Variants in WFS1 observed in about 807,000 individuals in gnomAD.
WFS1 encodes the protein wolframin.
In WFS1, 90 loss-of-function variants were observed where a neutral mutation model predicts 68.5. The ratio of observed to expected loss-of-function variants is 1.31; its 90% confidence interval spans 1.11 to 1.56. The LOEUF (loss-of-function observed/expected upper bound fraction) is 1.56, where lower values mean the gene tolerates loss of function less well. Among genes scored for constraint, WFS1 ranks in the 40% most tolerant of loss-of-function variants. The pLI, the probability that WFS1 is intolerant of heterozygous loss-of-function variation, is 0.00. For missense variants in WFS1, 1,767 were observed against 1,232.6 expected, an observed-to-expected ratio of 1.43 and a Z score of -6.49; for synonymous variants, 860 against 540.7, an observed-to-expected ratio of 1.59 and a Z score of -8.19.
chr4:6,293,379 C>CAA (rs1411559295), intron 6 of WFS1, among the ~76,000 whole-genome samples: 6 of 152,278 alleles, frequency 3.9e-5, no homozygotes, highest in African/African-American at 1.4e-4. Flanking sequence ...TCAGAACGTT[C>CAA]CCATCAGGCA....
At chr4:6,295,972 C>A (rs776689236) in intron 7 of WFS1, among the ~76,000 whole-genome samples, 1 of 152,234 alleles carries the variant, frequency 6.6e-6, no homozygotes, top group African/African-American at 2.4e-5. Flanking sequence ...CAAGCTGAGG[C>A]CAGCACAGGG....
chr4:6,275,034 G>A (rs1040828202), intron 1 of WFS1, among the ~76,000 whole-genome samples: 1 of 152,132 alleles, frequency 6.6e-6, no homozygotes, highest in Non-Finnish European at 1.5e-5. Flanking sequence ...TATAACTCTG[G>A]GATGACAATA....
At position 6,301,105 on chromosome 4, in the gene WFS1, G is replaced by T; in HGVS notation, c.1310G>T (p.Gly437Val). 6.2e-7 allele frequency: 1 copy of T among 1,613,720 alleles called. No individual in the cohort carries two copies. ...IPCSELAVITGFFTVTSYLSL... is the reference protein window; with the variant it reads ...IPCSELAVITVFFTVTSYLSL... ...TGCTCGGAGCTGGCTGTCATCACCG[G>T]CTTCTTTACCGTGACCAGCTACCTG... Residue 437 changes from glycine (G) to valine (V), a missense_variant, in exon 8 of 8, where the codon GGC becomes GTC. By Grantham distance (109) the Gly-to-Val change is moderately radical (BLOSUM62 -3). Coordinates refer to ENST00000226760, the MANE Select transcript of WFS1 (RefSeq NM_006005.3).
rs776745666 is a variant in WFS1 at position 6,301,316 on chromosome 4, C to G, written c.1521C>G (p.Leu507=). The part of the protein sequence containing the change: ...VVLNVSVPCL[L]YVYLLYLFFR... ...TCAACGTCAGCGTCCCGTGCCTGCT[C>G]TATGTCTACCTGCTCTATCTCTTCT... is the stretch of plus-strand genomic sequence containing the variant. Residue 507 remains leucine (L), a synonymous_variant, in exon 8 of 8, where the codon CTC becomes CTG. Transcript: ENST00000226760. 10 of 1,611,628 alleles carry G rather than the reference C, an allele frequency of 6.2e-6. No homozygotes were observed. The highest frequency in any genetic ancestry group is 5.5e-5 in the South Asian group (5 of 91,076).
At chr4:6,281,583 G>A (rs1451129032) in intron 2 of WFS1, among the ~76,000 whole-genome samples, 2 of 152,280 alleles carry the variant, frequency 1.3e-5, no homozygotes, top group East Asian at 1.9e-4. Context: ...CCAGGTGGAC[G>A]GTGGTGGCAC....
intron 2 of WFS1, among the ~76,000 whole-genome samples, chr4:6,280,285 C>T (rs915113931): frequency 6.6e-6 from 1 of 152,226 alleles, no homozygotes; most frequent in Non-Finnish European, 1.5e-5. Context: ...AGGGCCGGCA[C>T]CTGCCTGTCG....
At position 6,302,192 on chromosome 4, in the gene WFS1, C is replaced by G. The variant is rs747760206; in HGVS notation, c.2397C>G (p.Thr799=). The G allele has an allele frequency of 1.3e-4, 211 of 1,612,138 alleles. No individual in the cohort carries two copies. Among genetic ancestry groups the G allele is most frequent in the Non-Finnish European group, 1.7e-4 (205 of 1,179,684 alleles). ...GSRSREEDDV[T]KDIVLRASSE... is the part of the protein sequence containing the mutation. ...GCAGCCGCGAGGAGGACGACGTCAC[C>G]AAGGACATCGTGCTGCGGGCCAGCA... Residue 799 remains threonine (T), a synonymous_variant, in exon 8 of 8, where the codon ACC becomes ACG. Transcript: ENST00000226760.
rs768683463 is a variant in WFS1, at chr4:6,292,017, C to G, written c.712+20C>G. ...GCGAGTGTGAGTGCAGCCCCTGCCC[C>G]GTCTCACCCATGCCTCCCAGCCTGC... On this transcript the variant is annotated intron_variant, in intron 6 of 7. Coordinates refer to ENST00000226760, the MANE Select transcript of WFS1 (RefSeq NM_006005.3). The G allele has an allele frequency of 6.3e-7, 1 of 1,591,858 alleles. No individual in the cohort carries two copies.
chr4:6,287,352 C>T lies in WFS1; in HGVS notation c.315+177C>T, dbSNP rs932631389. On this transcript the variant is annotated intron_variant, in intron 3 of 7. Coordinates refer to ENST00000226760, the MANE Select transcript of WFS1 (RefSeq NM_006005.3). This position sits in a 1 kb window ranked among gnomAD's most constrained non-coding sequence, Gnocchi z 6.4. ...TGGTAGGGTGCCCATGTTCACTGTG[C>T]CAGTTTTCCTCCTGGCACTCCTCTG... The T allele has an allele frequency of 6.1e-6, 4 of 650,936 alleles. No individual in the cohort carries two copies. In the African/African-American group the frequency reaches 7.1e-5, roughly 12 times the overall value. 40.3% of individuals were successfully genotyped at this position (650,936 alleles called of 1,614,324 possible).
Position 6,302,254 on chromosome 4 carries a change from G to T in WFS1, c.2459G>T (p.Gly820Val), listed in dbSNP as rs764842865. 2.2e-5 allele frequency: 35 copies of T among 1,604,636 alleles called. No individual in the cohort carries two copies. Among genetic ancestry groups the T allele is most frequent in the Non-Finnish European group, 2.6e-5 (30 of 1,173,952 alleles). Residue 820 changes from glycine (G) to valine (V), a missense_variant, in exon 8 of 8, where the codon GGC becomes GTC. Gly to Val is a moderately radical substitution (Grantham distance 109). Transcript: ENST00000226760. ...AGCGTGCTGCTCAGCCTGCGCCAGG[G>T]CAGCCTCATCGAGTTCAGCACCATC... is the stretch of plus-strand genomic sequence containing the variant. The part of the protein sequence containing the change: ...FKSVLLSLRQ[G>V]SLIEFSTILE...
chr4:6,299,867 A>AT (rs1240527856), intron 7 of WFS1, among the ~76,000 whole-genome samples: 4 of 50,316 alleles, frequency 7.9e-5, no homozygotes, highest in African/African-American at 3.4e-4. Context: ...GCGTGTGTGT[A>AT]GGGGTGGGCT....
In WFS1 at chr4:6,302,464, C is replaced by T. The variant is rs754343470; in HGVS notation, c.2669C>T (p.Ala890Val). The change falls in exon 8 of 8, where the codon GCC becomes GTC. Residue 890 changes from alanine (A) to valine (V), a missense_variant. Physicochemically the swap from Ala to Val is moderately conservative, Grantham distance 64. Transcript: ENST00000226760. ...TTTTTCTTCCCATTCCTGTCGGCGGCCTGAGGATGGTCCGCCACGAGGAGC... is the reference window on the plus strand; with the variant it reads ...TTTTTCTTCCCATTCCTGTCGGCGGTCTGAGGATGGTCCGCCACGAGGAGC... ...DFFFFPFLSAA is the reference protein window; with the variant it reads ...DFFFFPFLSAV The T allele has an allele frequency of 2.5e-6, 4 of 1,612,732 alleles. No homozygotes were observed. The highest frequency in any genetic ancestry group is 3.4e-6 in the Non-Finnish European group (4 of 1,180,040).
intron 2 of WFS1, among the ~76,000 whole-genome samples, chr4:6,277,939 G>A (rs1275614744): frequency 2.0e-5 from 3 of 152,364 alleles, no homozygotes; most frequent in Admixed American, 2.0e-4. Context: ...TCTCTTCCCA[G>A]GGCCTCTGCA....
chr4:6,295,313 C>T (rs191365680), intron 7 of WFS1, 124 bp downstream of exon 7: 6 of 1,176,136 alleles, frequency 5.1e-6, no homozygotes, highest in African/African-American at 4.5e-5. Context: ...TGTCTTACAG[C>T]CGTGCCGCTG....
chr4:6,276,067 G>A (rs1007730132), intron 1 of WFS1, among the ~76,000 whole-genome samples: 1 of 152,212 alleles, frequency 6.6e-6, no homozygotes, highest in Admixed American at 6.5e-5. Flanking sequence ...GGCTGGGAGC[G>A]AGACTCTCTG....
intron 4 of WFS1, among the ~76,000 whole-genome samples, chr4:6,289,940 TTTG>T (rs568743277): frequency 3.2e-3 from 493 of 152,306 alleles, no homozygotes; most frequent in Non-Finnish European, 4.7e-3. Context: ...TCCTTCTGTG[TTTG>T]TTGTTGTTGT....
intron 1 of WFS1, among the ~76,000 whole-genome samples, chr4:6,274,496 C>G (rs945726297): frequency 6.6e-6 from 1 of 152,052 alleles, no homozygotes. Context: ...TAAGGGTAAC[C>G]GACGCCCCAC....
intron 2 of WFS1, among the ~76,000 whole-genome samples, chr4:6,277,986 A>C (rs1256564810): frequency 2.6e-5 from 4 of 152,158 alleles, no homozygotes; most frequent in Non-Finnish European, 2.9e-5. Flanking sequence ...GCGTCCAAAC[A>C]TGTGGAGTAA....
chr4:6,270,561 G>T (rs1227144357), intron 1 of WFS1, among the ~76,000 whole-genome samples: 2 of 152,272 alleles, frequency 1.3e-5, no homozygotes, highest in East Asian at 1.9e-4. Flanking sequence ...ACTTAGGAGC[G>T]CTGTGGCAGT....
Sources: gnomAD v4.1 joint callset for allele counts (sites outside exome capture counted in the v4.1 genomes callset) on GRCh38, gnomAD v4.1.1 for gene constraint, Gnocchi (gnomAD v3.1) non-coding constraint, MANE v1.5 for transcripts, NCBI Gene and HGNC (gene_info 2026-07-23, HGNC 2026-07-21) for gene names.